Variants in QTGAL observed in about 807,000 individuals in gnomAD.
The protein encoded by QTGAL is BGnT-like protein 1.
At chr17:83,005,236 C>T in the QTGAL span, 1 of 1,581,908 alleles carries the variant, frequency 6.3e-7, no homozygotes, top group Non-Finnish European at 8.6e-7. This position sits in a 1 kb window ranked among gnomAD's most constrained non-coding sequence, Gnocchi z 5.6. Flanking sequence ...GCAGACAGAG[C>T]TCAAAACAAA....
the QTGAL span, among the ~76,000 whole-genome samples, chr17:82,977,615 G>A: frequency 4.6e-5 from 7 of 152,138 alleles, no homozygotes; most frequent in African/African-American, 9.7e-5. Context: ...GAAACCCACC[G>A]CTGGTGACTC....
At chr17:83,001,519 A>T in the QTGAL span, among the ~76,000 whole-genome samples, 1 of 151,576 alleles carries the variant, frequency 6.6e-6, no homozygotes, top group Non-Finnish European at 1.5e-5. Context: ...GGCATCCTTC[A>T]AGTCAACACA....
At chr17:82,962,446 C>T in the QTGAL span, among the ~76,000 whole-genome samples, 4 of 151,494 alleles carry the variant, frequency 2.6e-5, no homozygotes, top group Non-Finnish European at 5.9e-5. Flanking sequence ...CTGTCTCACA[C>T]GGGTGATTTA....
At chr17:82,979,996 T>C in the QTGAL span, among the ~76,000 whole-genome samples, 5 of 152,180 alleles carry the variant, frequency 3.3e-5, no homozygotes, top group East Asian at 3.8e-4. Flanking sequence ...GCAAAATCAG[T>C]GTAGAAACAT....
chr17:82,970,620 C>A, the QTGAL span, among the ~76,000 whole-genome samples: 177 of 82,060 alleles, frequency 2.2e-3, 19 homozygotes, highest in African/African-American at 8.0e-3. Flanking sequence ...ACCTCCCCAC[C>A]CGGCGTGGCC....
At chr17:82,958,902 TG>T in the QTGAL span, among the ~76,000 whole-genome samples, 180 of 119,786 alleles carry the variant, frequency 1.5e-3, 9 homozygotes, top group African/African-American at 7.4e-3. Context: ...GGTGTGTGTG[TG>T]TATACTGTGT....
At chr17:82,947,369 C>A in the QTGAL span, 4 of 207,568 alleles carry the variant, frequency 1.9e-5, no homozygotes, top group South Asian at 1.6e-4. Context: ...TGGGAGGAGG[C>A]CCCTCAGACA....
the QTGAL span, chr17:83,005,551 G>A: frequency 1.4e-6 from 1 of 702,358 alleles, no homozygotes; most frequent in Non-Finnish European, 2.6e-6. The surrounding 1 kb of genome is among the most constrained non-coding windows in gnomAD (Gnocchi z 5.6). Flanking sequence ...CCATATGCAA[G>A]GTGAGTTATT....
chr17:82,992,704 CTT>C, the QTGAL span, among the ~76,000 whole-genome samples: 12,956 of 152,106 alleles, frequency 0.085, 599 homozygotes, highest in African/African-American at 0.12. Flanking sequence ...GTAAACTACT[CTT>C]AAGTGAAAGA....
At chr17:82,978,864 C>T in the QTGAL span, 1 of 152,154 alleles carries the variant, frequency 6.6e-6, no homozygotes, top group African/African-American at 2.4e-5. This position sits in a 1 kb window ranked among gnomAD's most constrained non-coding sequence, Gnocchi z 4.8. Flanking sequence ...GCAGCAGCCC[C>T]ACCCACTTCC....
At chr17:82,993,397 A>AT in the QTGAL span, among the ~76,000 whole-genome samples, 57 of 152,274 alleles carry the variant, frequency 3.7e-4, no homozygotes, top group African/African-American at 1.3e-3. Context: ...CCATATGATG[A>AT]TAAAAAGGTC....
At chr17:82,991,412 T>C in the QTGAL span, among the ~76,000 whole-genome samples, 1 of 152,158 alleles carries the variant, frequency 6.6e-6, no homozygotes, top group African/African-American at 2.4e-5. Flanking sequence ...TTACATGGGG[T>C]TTCCGATTTC....
At chr17:83,034,346 C>T in the QTGAL span, among the ~76,000 whole-genome samples, 5 of 152,352 alleles carry the variant, frequency 3.3e-5, no homozygotes, top group Admixed American at 6.5e-5. Flanking sequence ...TTGCTCACAT[C>T]GCTCTCTGCT....
the QTGAL span, among the ~76,000 whole-genome samples, chr17:82,976,905 T>C: frequency 2.5e-4 from 3 of 12,132 alleles, no homozygotes; most frequent in Admixed American, 8.8e-4. Flanking sequence ...CAGAGCCGGA[T>C]TCCATCCTCC....
At chr17:82,956,767 T>G in the QTGAL span, 2 of 1,578,270 alleles carry the variant, frequency 1.3e-6, no homozygotes, top group South Asian at 2.3e-5. This position sits in a 1 kb window ranked among gnomAD's most constrained non-coding sequence, Gnocchi z 5.7. Context: ...GCTTGGGTCT[T>G]TCCTGAGAGT....
chr17:82,958,866 T>TGTGTGTATACTGTGTGGGGGTGTATG, the QTGAL span, among the ~76,000 whole-genome samples: 3 of 37,672 alleles, frequency 8.0e-5, no homozygotes. Flanking sequence ...GTATGGTGTG[T>TGTGTGTATACTGTGTGGGGGTGTATG]GTGTGTGTGT....
chr17:83,007,419 G>A, the QTGAL span, among the ~76,000 whole-genome samples: 1 of 152,170 alleles, frequency 6.6e-6, no homozygotes, highest in African/African-American at 2.4e-5. Flanking sequence ...ACTGTCTCAC[G>A]TTTGACTGCT....
the QTGAL span, among the ~76,000 whole-genome samples, chr17:82,990,390 G>A: frequency 2.0e-5 from 3 of 152,258 alleles, no homozygotes; most frequent in Non-Finnish European, 2.9e-5. Context: ...CAGCAGGAAC[G>A]CCAACACAGG....
At chr17:82,958,613 TG>T in the QTGAL span, among the ~76,000 whole-genome samples, 13 of 152,170 alleles carry the variant, frequency 8.5e-5, no homozygotes, top group Admixed American at 5.9e-4. Flanking sequence ...ATGGGGGGGA[TG>T]GGGGGACACG....
Sources: allele counts gnomAD v4.1 joint callset (sites outside exome capture counted in the v4.1 genomes callset), GRCh38; gene constraint gnomAD v4.1.1; non-coding constraint Gnocchi (gnomAD v3.1); transcripts MANE v1.5; gene names NCBI Gene and HGNC (gene_info 2026-07-23, HGNC 2026-07-21).